The following PLCG2 variants were observed in gnomAD, a reference collection of about 807,000 sequenced individuals.
The protein encoded by PLCG2 is phospholipase C gamma 2.
Under a neutral mutation model 175.6 loss-of-function variants are expected in PLCG2, and 69 were observed. The ratio of observed to expected loss-of-function variants is 0.39; its 90% CI spans 0.32 to 0.48. PLCG2 has a LOEUF of 0.48. Ranked by LOEUF, PLCG2 falls within the 20% of genes least tolerant of loss-of-function variation. PLCG2 has a pLI of 0.91. For synonymous variants in PLCG2, 827 were observed against 624.0 expected (o/e 1.33, Z -4.85); for missense variants, 1,798 against 1,650.9 (o/e 1.09, Z -1.54).
intron 2 of PLCG2, among the ~76,000 whole-genome samples, chr16:81,812,003 C>G (rs1464917573): frequency 6.7e-6 from 1 of 149,854 alleles, no homozygotes; most frequent in African/African-American, 2.5e-5. Flanking sequence ...AAAAGCATTC[C>G]TATTTCTCTA....
intron 2 of PLCG2, among the ~76,000 whole-genome samples, chr16:81,815,422 C>G (rs1421426438): frequency 6.6e-6 from 1 of 152,196 alleles, no homozygotes; most frequent in Non-Finnish European, 1.5e-5. Context: ...CCCAGGGACC[C>G]TGTCTTTCCA....
intron 19 of PLCG2, among the ~76,000 whole-genome samples, chr16:81,918,942 C>G (rs528693763): frequency 6.6e-6 from 1 of 151,582 alleles, no homozygotes; most frequent in Admixed American, 6.6e-5. Context: ...GTTGAGTCAC[C>G]GAAGACAAGA....
chr16:81,864,620 GT>G (rs548559740), intron 5 of PLCG2, among the ~76,000 whole-genome samples: 113 of 152,360 alleles, frequency 7.4e-4, no homozygotes, highest in African/African-American at 2.7e-3. Context: ...GGCTTCAGGA[GT>G]TAATATGTGA....
chr16:81,739,891 G>A (rs369684747), intron 1 of PLCG2, among the ~76,000 whole-genome samples: 17 of 152,248 alleles, frequency 1.1e-4, no homozygotes, highest in East Asian at 9.7e-4. Flanking sequence ...TAATCCCAGC[G>A]CTTTGGGAGG....
chr16:81,740,048 G>A (rs1172255612), intron 1 of PLCG2, among the ~76,000 whole-genome samples: 1 of 141,612 alleles, frequency 7.1e-6, no homozygotes, highest in African/African-American at 2.6e-5. Flanking sequence ...TGAGGCAGGA[G>A]AATCACTTGA....
intron 2 of PLCG2, among the ~76,000 whole-genome samples, chr16:81,809,542 C>T (rs556716686): frequency 6.7e-4 from 102 of 152,306 alleles, no homozygotes; most frequent in African/African-American, 2.4e-3. Context: ...CAAATAAACT[C>T]CTTGTATGTA....
At chr16:81,917,810 C>T (rs1310886436) in intron 19 of PLCG2, among the ~76,000 whole-genome samples, 3 of 152,212 alleles carry the variant, frequency 2.0e-5, no homozygotes, top group East Asian at 1.9e-4. Context: ...CAAGCTCCGC[C>T]TCCTGGGTTC....
chr16:81,831,942 G>A (rs1905276229), intron 2 of PLCG2, among the ~76,000 whole-genome samples: 1 of 152,190 alleles, frequency 6.6e-6, no homozygotes, highest in Non-Finnish European at 1.5e-5. Flanking sequence ...GCAAAGCGGG[G>A]GCAGGGGTGA....
chr16:81,821,502 G>T (rs1049219045), intron 2 of PLCG2, among the ~76,000 whole-genome samples: 9 of 152,194 alleles, frequency 5.9e-5, no homozygotes, highest in African/African-American at 2.2e-4. Context: ...TCGGCTGACA[G>T]GCAGCCGTTG....
At chr16:81,873,793 A>G (rs866363777) in intron 7 of PLCG2, among the ~76,000 whole-genome samples, 20 of 152,204 alleles carry the variant, frequency 1.3e-4, no homozygotes, top group South Asian at 8.3e-4. Context: ...AAATTAAAAA[A>G]AGAAGATTTG....
At chr16:81,859,778 C>T (rs1049841520) in intron 5 of PLCG2, among the ~76,000 whole-genome samples, 6 of 152,114 alleles carry the variant, frequency 3.9e-5, no homozygotes, top group South Asian at 4.1e-4. Context: ...CCTTGTGATC[C>T]GCCCACCTTG....
chr16:81,793,043 TA>T (rs1193838413), intron 2 of PLCG2, among the ~76,000 whole-genome samples: 1 of 152,186 alleles, frequency 6.6e-6, no homozygotes, highest in African/African-American at 2.4e-5. Context: ...AATCGAAACT[TA>T]ATACAATAAG....
Position 81,957,998 on chromosome 16 carries a change from GAAGCTGGGGTATGTGTGT to G in PLCG2, c.*4_*21del. 6.2e-7 allele frequency: 1 copy of G among 1,609,476 alleles called. No homozygotes were observed. Among genetic ancestry groups the G allele is most frequent in the Non-Finnish European group, 8.5e-7 (1 of 1,175,808 alleles). On this transcript the variant is annotated 3_prime_UTR_variant, in exon 33 of 33. Coordinates refer to ENST00000564138, the MANE Select transcript of PLCG2 (RefSeq NM_002661.5). ...TCAGCAACAGCAAGTTTTACTCATA[GAAGCTGGGGTATGTGTGT>G]AAGGGTATTGTGTGTGTGCGCATGT... is the stretch of plus-strand genomic sequence containing the variant.
intron 2 of PLCG2, among the ~76,000 whole-genome samples, chr16:81,769,819 C>CAAAAAAAA (rs71146043): frequency 6.6e-5 from 5 of 75,678 alleles, no homozygotes; most frequent in African/African-American, 2.3e-4. Context: ...GACTCCGTCT[C>CAAAAAAAA]AAAAAAAAAA....
chr16:81,747,599 C>G, intron 1 of PLCG2, among the ~76,000 whole-genome samples: 1 of 152,178 alleles, frequency 6.6e-6, no homozygotes, highest in East Asian at 1.9e-4. Flanking sequence ...GTCATCTACA[C>G]ATCTGTGGAT....
chr16:81,835,845 C>T (rs2143403871), intron 2 of PLCG2, among the ~76,000 whole-genome samples: 1 of 152,132 alleles, frequency 6.6e-6, no homozygotes, highest in Non-Finnish European at 1.5e-5. Context: ...TGCTGGTGAC[C>T]CTGGGTGTCC....
chr16:81,889,248 C>T lies in PLCG2; in HGVS notation c.842C>T (p.Ala281Val), dbSNP rs749902171. 3.1e-6 allele frequency: 5 copies of T among 1,602,768 alleles called. No homozygotes were observed. The highest frequency in any genetic ancestry group is 3.4e-6 in the Non-Finnish European group (4 of 1,173,664). Residue 281 changes from alanine (A) to valine (V), a missense_variant, in exon 10 of 33, where the codon GCT (alanine) becomes GTT (valine). Coordinates refer to ENST00000564138, the MANE Select transcript of PLCG2 (RefSeq NM_002661.5). The part of the protein sequence containing the change: ...KFIDDTMRET[A>V]EPFLFVDEFL... ...ATTGATGACACCATGCGTGAAACTG[C>T]TGAGCCTTTCTTGTTTGTGGATGAG...
intron 31 of PLCG2, among the ~76,000 whole-genome samples, chr16:81,948,324 G>C (rs1911232689): frequency 6.6e-6 from 1 of 151,662 alleles, no homozygotes; most frequent in Non-Finnish European, 1.5e-5. Flanking sequence ...CCGAAGAATG[G>C]GACTGGGGAA....
chr16:81,840,277 G>C (rs1188267118), intron 2 of PLCG2, among the ~76,000 whole-genome samples: 1 of 152,110 alleles, frequency 6.6e-6, no homozygotes, highest in Non-Finnish European at 1.5e-5. Flanking sequence ...GGCCTGGGTG[G>C]ATGCCCATAG....
Sources: gnomAD v4.1 joint callset for allele counts (sites outside exome capture counted in the v4.1 genomes callset) on GRCh38, gnomAD v4.1.1 for gene constraint, MANE v1.5 for transcripts, NCBI Gene and HGNC (gene_info 2026-07-23, HGNC 2026-07-21) for gene names.